The following TNPO2 variants were observed in gnomAD, a reference collection of about 807,000 sequenced individuals.
TNPO2 encodes the protein transportin 2, also known as transportin-2.
Under a neutral mutation model 111.1 loss-of-function variants are expected in TNPO2, and 16 were observed. That is an observed-to-expected ratio of 0.14 (90% confidence interval 0.10 to 0.22). The LOEUF is 0.22. Among genes scored for constraint, TNPO2 ranks in the 10% least tolerant of loss-of-function variants. The pLI is 1.00. For synonymous variants in TNPO2, 481 were observed against 475.8 expected, an observed-to-expected ratio of 1.01 and a Z score of -0.14; for missense variants, 530 against 1,173.7, an observed-to-expected ratio of 0.45 and a Z score of 8.01.
rs1225701646 is a variant in TNPO2, at chr19:12,700,134, A to G, written c.*1130T>C. ...ATGATGAGCAGGAAGTCCCAGGGAG[A>G]TGGAATAGGGAACAGGGGACACACC... On this transcript the variant is annotated 3_prime_UTR_variant, in exon 26 of 26. Transcript: ENST00000425528. 1 of 152,004 alleles carries G rather than the reference A, an allele frequency of 6.6e-6. No individual in the cohort carries two copies. The highest frequency in any genetic ancestry group is 2.4e-5 in the African/African-American group (1 of 41,350). The allele number at this position is 152,004 out of a possible 1,614,324, so 9.4% of individuals were successfully genotyped here.
At position 12,706,112 on chromosome 19, in the gene TNPO2, GGC is replaced by G. The variant is rs776338390; in HGVS notation, c.1668+82_1668+83del. On this transcript the variant is annotated intron_variant, in intron 15 of 25. Coordinates refer to ENST00000425528, the MANE Select transcript of TNPO2 (RefSeq NM_001382241.1). The surrounding 1 kb of genome is among the most constrained non-coding windows in gnomAD (Gnocchi z 7.0). Reference sequence around the variant, plus strand: ...CTGTCGAGGTCACGGCCACGTCCCTGGCGTGCAACACGGGGTTGCCACCAGGT... The same window carrying G: ...CTGTCGAGGTCACGGCCACGTCCCTGGTGCAACACGGGGTTGCCACCAGGT... The G allele has an allele frequency of 4.0e-6, 6 of 1,491,400 alleles. No individual in the cohort carries two copies. Among genetic ancestry groups the G allele is most frequent in the Non-Finnish European group, 5.4e-6 (6 of 1,103,574 alleles). The allele number at this position is 1,491,400 out of a possible 1,614,324, so 92.4% of individuals were successfully genotyped here. A position where few individuals can be genotyped will look rare whatever the true frequency, so the allele number is the denominator to read the frequency against.
intron 10 of TNPO2, among the ~76,000 whole-genome samples, chr19:12,713,402 G>A (rs1406125969): frequency 6.6e-6 from 1 of 152,016 alleles, no homozygotes; most frequent in Non-Finnish European, 1.5e-5. Flanking sequence ...CACTTTGGGA[G>A]ACCAATGCAG....
chr19:12,702,921 G>A lies in TNPO2; in HGVS notation c.2210-3C>T, dbSNP rs776915167. On this transcript the variant is annotated splice_region_variant and splice_polypyrimidine_tract_variant and intron_variant, in intron 20 of 25. Transcript: ENST00000425528. This position sits in a 1 kb window ranked among gnomAD's most constrained non-coding sequence, Gnocchi z 5.5. Reference sequence around the variant, plus strand: ...CACATAAGGCTGCATCTCTGCCCCTGGGGGAGCACCCAGTCAGAGCCCTGC... The same window carrying A: ...CACATAAGGCTGCATCTCTGCCCCTAGGGGAGCACCCAGTCAGAGCCCTGC... The A allele has an allele frequency of 3.7e-6, 6 of 1,613,426 alleles. No individual in the cohort carries two copies. The highest frequency in any genetic ancestry group is 1.7e-5 in the Admixed American group (1 of 59,990).
rs1357888812 is a variant in TNPO2, at chr19:12,701,444, C to A, written c.2596G>T (p.Gly866Cys). ...TCTTCCCCAACTTGGTCTTTGAAGC[C>A]GTGGAGAATCTGTGGGGAGGGTGGT... ...LRDMFYKILH[G>C]FKDQVGEDNW... Residue 866 changes from glycine (G) to cysteine (C), a missense_variant, in exon 25 of 26, where the codon GGC (glycine) becomes TGC (cysteine). Physicochemically the swap from Gly to Cys is radical, Grantham distance 159. This residue lies in a region of TNPO2 where 103 missense variants were observed against 156.7 expected (regional missense o/e 0.66). Transcript: ENST00000425528. This position sits in a 1 kb window ranked among gnomAD's most constrained non-coding sequence, Gnocchi z 5.0. 1 of 1,613,708 alleles carries A rather than the reference C, an allele frequency of 6.2e-7. No homozygotes were observed. The highest frequency in any genetic ancestry group is 8.5e-7 in the Non-Finnish European group (1 of 1,179,854).
intron 3 of TNPO2, 87 bp downstream of exon 3, chr19:12,720,792 G>A (rs749136938): frequency 2.2e-5 from 32 of 1,465,634 alleles, no homozygotes; most frequent in Non-Finnish European, 2.8e-5. Context: ...GGGACTAGGG[G>A]AGTCAGTCCC....
At chr19:12,710,891 T>G in intron 12 of TNPO2, 118 bp from the exon 13 acceptor site, 1 of 1,113,174 alleles carries the variant, frequency 9.0e-7, no homozygotes, top group East Asian at 2.8e-5. Context: ...ATCAGCTTCT[T>G]TTTTTTTGTT....
rs368347682 is a variant in TNPO2 at position 12,712,829 on chromosome 19, C to T, written c.891-1216G>A. Among the ~76,000 whole-genome samples, 7 of 152,178 alleles carry T rather than the reference C, an allele frequency of 4.6e-5. 1 individual carries two copies. The East Asian group carries it at 7.7e-4, about 17-fold the overall frequency. On this transcript the variant is annotated intron_variant, in intron 10 of 25. Coordinates refer to ENST00000425528, the MANE Select transcript of TNPO2 (RefSeq NM_001382241.1). Reference sequence around the variant, plus strand: ...CGGGCCCAGCTGCCTTTTCTATTATCTCTTTGTCTTGTGTCTTTATTTCTA... The same window carrying T: ...CGGGCCCAGCTGCCTTTTCTATTATTTCTTTGTCTTGTGTCTTTATTTCTA...
intron 13 of TNPO2, among the ~76,000 whole-genome samples, chr19:12,709,817 C>G (rs2025938371): frequency 6.6e-6 from 1 of 152,020 alleles, no homozygotes; most frequent in Admixed American, 6.6e-5. Flanking sequence ...GAGGGTTTCC[C>G]TATGTTGCCC....
chr19:12,709,601 G>C (rs1018994333), intron 13 of TNPO2, among the ~76,000 whole-genome samples: 3 of 151,290 alleles, frequency 2.0e-5, no homozygotes, highest in African/African-American at 7.3e-5. Flanking sequence ...CAGTTAGTTG[G>C]GACTATAGGC....
rs1050481080 is a variant in TNPO2, at chr19:12,715,214, C to A, written c.648+29G>T. On this transcript the variant is annotated intron_variant, in intron 8 of 25. Transcript: ENST00000425528. This position sits in a 1 kb window ranked among gnomAD's most constrained non-coding sequence, Gnocchi z 7.1. ...CAGTTGTAGGGGCCCTCAGTCCTCGCCCTGCCCACCCCCAGCCCAGCGGCC... is the reference window on the plus strand; with the variant it reads ...CAGTTGTAGGGGCCCTCAGTCCTCGACCTGCCCACCCCCAGCCCAGCGGCC... The A allele has an allele frequency of 1.9e-6, 3 of 1,613,826 alleles. No homozygotes were observed.
In TNPO2 at chr19:12,701,864, G is replaced by T; in HGVS notation, c.2412-13C>A. ...GAGGGACGTGCACCTGTGGGAAGGT[G>T]AGCAGCTGGAGGTCAGAGGGCAGGC... On this transcript the variant is annotated splice_polypyrimidine_tract_variant and intron_variant, in intron 22 of 25. Coordinates refer to ENST00000425528, the MANE Select transcript of TNPO2 (RefSeq NM_001382241.1). This position sits in a 1 kb window ranked among gnomAD's most constrained non-coding sequence, Gnocchi z 5.0. 6.2e-7 allele frequency: 1 copy of T among 1,607,544 alleles called. No homozygotes were observed. Among genetic ancestry groups the T allele is most frequent in the Non-Finnish European group, 8.5e-7 (1 of 1,175,618 alleles).
At chr19:12,703,644 C>T in intron 19 of TNPO2, 70 bp downstream of exon 19, 1 of 1,581,830 alleles carries the variant, frequency 6.3e-7, no homozygotes. Flanking sequence ...ACAGTCATCC[C>T]CGGGTATTGC....
chr19:12,720,495 ATT>A lies in TNPO2; in HGVS notation c.99+382_99+383del, dbSNP rs544203402. 3.3e-3 allele frequency among the ~76,000 whole-genome samples: 506 copies of A among 151,500 alleles called. 2 individuals carry two copies. Among genetic ancestry groups the A allele is most frequent in the African/African-American group, 0.012 (492 of 41,310 alleles). On this transcript the variant is annotated intron_variant, in intron 3 of 25. Transcript: ENST00000425528. ...GCCACCACACCTAGCTATTTTTTGT[ATT>A]TTTTGTAGAGATGGGGTCTCCCTAT...
chr19:12,717,211 AAG>A (rs2026411175), intron 5 of TNPO2, among the ~76,000 whole-genome samples: 1 of 150,892 alleles, frequency 6.6e-6, no homozygotes, highest in African/African-American at 2.5e-5. Context: ...CAGCCCTCAG[AAG>A]AGATAAAGAA....
intron 18 of TNPO2, among the ~76,000 whole-genome samples, chr19:12,704,547 C>T (rs929632006): frequency 6.6e-6 from 1 of 152,118 alleles, no homozygotes; most frequent in African/African-American, 2.4e-5. Context: ...CTTCTGTATG[C>T]GTTCAGTACA....
chr19:12,712,912 A>G lies in TNPO2; in HGVS notation c.891-1299T>C, dbSNP rs7257720. 7.3e-3 allele frequency among the ~76,000 whole-genome samples: 1,105 copies of G among 152,198 alleles called. 14 individuals are homozygous for G. The highest frequency in any genetic ancestry group is 0.025 in the African/African-American group (1,052 of 41,540). Reference sequence around the variant, plus strand: ...CACCGACCCTGTGGGGCTGGTCCCTACGTAACCCTATCACCCAGGCTGGAG... The same window carrying G: ...CACCGACCCTGTGGGGCTGGTCCCTGCGTAACCCTATCACCCAGGCTGGAG... On this transcript the variant is annotated intron_variant, in intron 10 of 25. Coordinates refer to ENST00000425528, the MANE Select transcript of TNPO2 (RefSeq NM_001382241.1).
chr19:12,720,086 C>T (rs1056348290), intron 3 of TNPO2, among the ~76,000 whole-genome samples: 17 of 151,820 alleles, frequency 1.1e-4, no homozygotes, highest in South Asian at 2.1e-4. Context: ...GCACGATCTC[C>T]GCTCACTGCA....
intron 18 of TNPO2, 65 bp from the exon 19 acceptor site, chr19:12,703,866 GCA>G: frequency 7.2e-7 from 1 of 1,387,076 alleles, no homozygotes; most frequent in Non-Finnish European, 9.8e-7. Flanking sequence ...AGCTCAGGGG[GCA>G]CAGTCCCTGG....
Position 12,708,798 on chromosome 19 carries a change from G to A in TNPO2, c.1270+1823C>T, listed in dbSNP as rs572689762. 3.9e-5 allele frequency among the ~76,000 whole-genome samples: 6 copies of A among 151,902 alleles called. No homozygotes were observed. In the South Asian group the frequency reaches 6.3e-4, roughly 16 times the overall value. ...AGGCAGGAGAATCTCTGGAACTCGG[G>A]AGGCAGAGGTTGCAGTGAGTCAAGA... is the stretch of plus-strand genomic sequence containing the variant. On this transcript the variant is annotated intron_variant, in intron 13 of 25. Coordinates refer to ENST00000425528, the MANE Select transcript of TNPO2 (RefSeq NM_001382241.1).
Sources: allele counts gnomAD v4.1 joint callset (sites outside exome capture counted in the v4.1 genomes callset), GRCh38; gene constraint gnomAD v4.1.1; regional missense constraint gnomAD v4.1.1; non-coding constraint Gnocchi (gnomAD v3.1); transcripts MANE v1.5; gene names NCBI Gene and HGNC (gene_info 2026-07-23, HGNC 2026-07-21).